SLC13A3: variants seen among roughly 807,000 people sequenced by gnomAD.
The protein encoded by SLC13A3 is Na(+)/dicarboxylate cotransporter 3.
SLC13A3 carries 40 observed loss-of-function variants against 59.0 expected under a neutral mutation model. The ratio of observed to expected loss-of-function variants is 0.68; its 90% CI spans 0.53 to 0.88. The LOEUF is 0.88. Among genes scored for constraint, SLC13A3 ranks in the 40% least tolerant of loss-of-function variants. The pLI is 0.00. For missense variants in SLC13A3, 699 were observed against 783.2 expected (o/e 0.89, Z 1.28); for synonymous variants, 317 against 330.3 (o/e 0.96, Z 0.44).
At chr20:46,636,908 C>T (rs2062801182) in intron 1 of SLC13A3, among the ~76,000 whole-genome samples, 1 of 151,808 alleles carries the variant, frequency 6.6e-6, no homozygotes. Flanking sequence ...TCCAGTGATT[C>T]TCCTGCCTTA....
rs746880682 is a variant in SLC13A3 at position 46,563,603 on chromosome 20, C to T, written c.1495-52G>A. On this transcript the variant is annotated intron_variant, in intron 11 of 12. Coordinates refer to ENST00000279027, the MANE Select transcript of SLC13A3 (RefSeq NM_022829.6). ...CCGGAGAGAGACCAACGCAGAGCGACCACAGCAAGAGGGAGAGAGAGAGAG... is the reference window on the plus strand; with the variant it reads ...CCGGAGAGAGACCAACGCAGAGCGATCACAGCAAGAGGGAGAGAGAGAGAG... The T allele has an allele frequency of 8.8e-5, 108 of 1,230,326 alleles. 1 individual carries two copies. The East Asian group carries it at 3.2e-3, about 37-fold the overall frequency. The allele number at this position is 1,230,326 out of a possible 1,614,324, so 76.2% of individuals were successfully genotyped here.
chr20:46,593,164 C>G (rs1439987356), intron 5 of SLC13A3, among the ~76,000 whole-genome samples: 1 of 152,172 alleles, frequency 6.6e-6, no homozygotes, highest in African/African-American at 2.4e-5. Flanking sequence ...AGGGCAATAA[C>G]ACTCAGTGCT....
intron 9 of SLC13A3, among the ~76,000 whole-genome samples, chr20:46,577,250 C>CGCAGGTGTTTG (rs2062088449): frequency 4.6e-5 from 7 of 150,908 alleles, no homozygotes; most frequent in African/African-American, 7.3e-5. Context: ...GTATGCAGCC[C>CGCAGGTGTTTG]AAAGATGTAT....
chr20:46,578,590 C>T (rs546252000), intron 9 of SLC13A3, among the ~76,000 whole-genome samples: 114 of 152,036 alleles, frequency 7.5e-4, no homozygotes, highest in Non-Finnish European at 1.4e-3. Flanking sequence ...GCATGAGAAT[C>T]GCTTGAACCC....
At chr20:46,647,013 TC>T (rs911447070) in intron 1 of SLC13A3, among the ~76,000 whole-genome samples, 2 of 152,000 alleles carry the variant, frequency 1.3e-5, no homozygotes, top group East Asian at 1.9e-4. Context: ...TGTACTACCA[TC>T]CCCCCCAAAT....
intron 10 of SLC13A3, among the ~76,000 whole-genome samples, chr20:46,568,231 T>C (rs1311261192): frequency 6.7e-6 from 1 of 148,508 alleles, no homozygotes; most frequent in Non-Finnish European, 1.5e-5. Flanking sequence ...CCATCTCTAC[T>C]AAAAAAAAAT....
intron 11 of SLC13A3, among the ~76,000 whole-genome samples, chr20:46,565,964 T>A (rs906184517): frequency 5.9e-5 from 9 of 152,222 alleles, no homozygotes; most frequent in African/African-American, 1.9e-4. Flanking sequence ...ATTTACCTGT[T>A]CTAGAAAACT....
Position 46,593,981 on chromosome 20 carries a change from A to C in SLC13A3, c.795-1452T>G, listed in dbSNP as rs1019346941. Among the ~76,000 whole-genome samples, 6 of 152,050 alleles carry C rather than the reference A, an allele frequency of 3.9e-5. No homozygotes were observed. In the East Asian group the frequency reaches 1.2e-3, roughly 29 times the overall value. The stretch of plus-strand genomic sequence containing the variant: ...ATCATTTTATAATCAGAATAAACCA[A>C]TAAAATGTATTTTGGCAACAAGGGC... On this transcript the variant is annotated intron_variant, in intron 5 of 12. Transcript: ENST00000279027.
intron 9 of SLC13A3, chr20:46,583,111 A>AT (rs879411899): frequency 2.2e-5 from 22 of 982,900 alleles, no homozygotes; most frequent in Admixed American, 6.1e-5. Flanking sequence ...AAAAATAAAC[A>AT]TTTTTTGCTT....
At chr20:46,582,308 T>C (rs2062146734) in intron 9 of SLC13A3, among the ~76,000 whole-genome samples, 3 of 151,940 alleles carry the variant, frequency 2.0e-5, no homozygotes, top group Admixed American at 1.3e-4. Flanking sequence ...TTTTAATTTT[T>C]TGTAGAGATG....
intron 4 of SLC13A3, among the ~76,000 whole-genome samples, chr20:46,596,987 A>G (rs1162769690): frequency 6.6e-6 from 1 of 152,178 alleles, no homozygotes; most frequent in Non-Finnish European, 1.5e-5. Context: ...CAAAAGTTTG[A>G]GGCTGTAGTG....
At chr20:46,581,171 C>T (rs918791441) in intron 9 of SLC13A3, among the ~76,000 whole-genome samples, 1 of 152,142 alleles carries the variant, frequency 6.6e-6, no homozygotes, top group Non-Finnish European at 1.5e-5. Context: ...AAGAACCCTC[C>T]CAGACTAAGC....
At chr20:46,575,518 C>T (rs1407089098) in intron 10 of SLC13A3, 55 bp downstream of exon 10, 15 of 1,097,690 alleles carry the variant, frequency 1.4e-5, no homozygotes, top group East Asian at 1.1e-4. Context: ...CACTGGGACC[C>T]GCCCACACCT....
chr20:46,576,296 G>A (rs1277898195), intron 9 of SLC13A3, among the ~76,000 whole-genome samples: 1 of 152,142 alleles, frequency 6.6e-6, no homozygotes, highest in African/African-American at 2.4e-5. Context: ...TGTGGGCATG[G>A]TTGTAAATAA....
At chr20:46,651,226 C>G in intron 1 of SLC13A3, 85 bp downstream of exon 1, 2 of 1,398,820 alleles carry the variant, frequency 1.4e-6, no homozygotes, top group Non-Finnish European at 1.9e-6. Flanking sequence ...ACACTGGGAC[C>G]TCAGCGGTCT....
chr20:46,644,236 G>GTAATA (rs2062872754), intron 1 of SLC13A3, among the ~76,000 whole-genome samples: 1 of 152,104 alleles, frequency 6.6e-6, no homozygotes, highest in Admixed American at 6.6e-5. Flanking sequence ...GATGGCAACT[G>GTAATA]TAATATTAAT....
rs554753034 is a variant in SLC13A3, at chr20:46,628,800, A to G, written c.112-15075T>C. Among the ~76,000 whole-genome samples, 4 of 152,348 alleles carry G rather than the reference A, an allele frequency of 2.6e-5. No individual in the cohort carries two copies. The South Asian group carries it at 8.3e-4, about 32-fold the overall frequency. On this transcript the variant is annotated intron_variant, in intron 1 of 12. Coordinates refer to ENST00000279027, the MANE Select transcript of SLC13A3 (RefSeq NM_022829.6). The stretch of plus-strand genomic sequence containing the variant: ...CAACAGCCACATGGGACTAGGGTCC[A>G]CCATTCTGAACAGAGCAGATATGGA...
In SLC13A3 at chr20:46,656,609, T is replaced by C. The variant is rs560020313; in HGVS notation, c.-31+13434A>G. Among the ~76,000 whole-genome samples the C allele has an allele frequency of 3.4e-5, 5 of 145,706 alleles. No homozygotes were observed. The East Asian group carries it at 9.8e-4, about 28-fold the overall frequency. On this transcript the variant is annotated intron_variant, in intron 1 of 12. Coordinates refer to the SLC13A3 transcript ENST00000290317. ...ATTATACTGTATATGATATATACTA[T>C]AGTGTATATATTATACTGTATATGA... is the stretch of plus-strand genomic sequence containing the variant.
intron 9 of SLC13A3, chr20:46,582,522 G>A: frequency 1.9e-6 from 1 of 515,112 alleles, no homozygotes; most frequent in Non-Finnish European, 2.5e-6. Flanking sequence ...AGGTTCACTG[G>A]AGCCCAAGAG....
Sources: allele counts gnomAD v4.1 joint callset (sites outside exome capture counted in the v4.1 genomes callset), GRCh38; gene constraint gnomAD v4.1.1; transcripts MANE v1.5; gene names NCBI Gene and HGNC (gene_info 2026-07-23, HGNC 2026-07-21).